The following KDM3B variants were observed in gnomAD, a reference collection of about 807,000 sequenced individuals.
KDM3B encodes lysine-specific demethylase 3B.
KDM3B carries 10 observed loss-of-function variants against 170.0 expected under a neutral mutation model. The ratio of observed to expected loss-of-function variants is 0.06; its 90% CI spans 0.04 to 0.10. The LOEUF (loss-of-function observed/expected upper bound fraction) is 0.10. KDM3B is among the 10% of genes least tolerant of loss of function. KDM3B has a pLI of 1.00. For missense variants in KDM3B, 1,394 were observed against 2,195.2 expected, an observed-to-expected ratio of 0.64 and a Z score of 7.29; for synonymous variants, 831 against 834.8, an observed-to-expected ratio of 1.00 and a Z score of 0.08.
rs777516038 is a variant in KDM3B at position 138,382,190 on chromosome 5, G to A, written c.780+600G>A. Among the ~76,000 whole-genome samples, 61 of 152,158 alleles carry A rather than the reference G, an allele frequency of 4.0e-4. 1 individual carries two copies. The highest frequency in any genetic ancestry group is 7.8e-4 in the Non-Finnish European group (53 of 68,022). On this transcript the variant is annotated intron_variant, in intron 6 of 23. Coordinates refer to ENST00000314358, the MANE Select transcript of KDM3B (RefSeq NM_016604.4). ...GGGCCAGGTGCAGTGGCTCACGCCT[G>A]TAATCCCAGCACTTTGGGAGGCCGA...
chr5:138,389,923 G>A (rs1290642163), intron 7 of KDM3B, among the ~76,000 whole-genome samples: 1 of 151,872 alleles, frequency 6.6e-6, no homozygotes, highest in African/African-American at 2.4e-5. Flanking sequence ...GCAGTGGCAC[G>A]ATCTGGGCTC....
At chr5:138,354,333 A>G (rs1761400979) in intron 1 of KDM3B, among the ~76,000 whole-genome samples, 1 of 152,228 alleles carries the variant, frequency 6.6e-6, no homozygotes, top group Non-Finnish European at 1.5e-5. Context: ...ATGATGATTA[A>G]GACTGGGATT....
chr5:138,408,723 A>G (rs1055283005), intron 11 of KDM3B, among the ~76,000 whole-genome samples: 2 of 152,226 alleles, frequency 1.3e-5, no homozygotes, highest in Non-Finnish European at 2.9e-5. Flanking sequence ...ATAATACATC[A>G]TGAACAAATG....
chr5:138,433,684 C>A (rs1763597698), intron 23 of KDM3B, among the ~76,000 whole-genome samples: 1 of 151,840 alleles, frequency 6.6e-6, no homozygotes, highest in African/African-American at 2.4e-5. Context: ...GCTGGAATTA[C>A]AGGAGTGAGC....
chr5:138,365,751 CACTT>C, intron 1 of KDM3B, among the ~76,000 whole-genome samples: 1 of 151,732 alleles, frequency 6.6e-6, no homozygotes, highest in East Asian at 1.9e-4. Flanking sequence ...GTAATCCCAG[CACTT>C]TGGGAGGCCA....
At position 138,431,439 on chromosome 5, in the gene KDM3B, C is replaced by T. The variant is rs776164896; in HGVS notation, c.5085C>T (p.Tyr1695=). The change falls in exon 23 of 24, where the codon TAC becomes TAT. Residue 1695 remains tyrosine (Y), a synonymous_variant. Coordinates refer to ENST00000314358, the MANE Select transcript of KDM3B (RefSeq NM_016604.4). ...AGAPHQVHNL[Y]SCIKVAEDFV... ...GCCCTTCTCAGGTTCACAATCTATA[C>T]AGTTGCATAAAAGTAGCAGAAGACT... 40 of 1,608,876 alleles carry T rather than the reference C, an allele frequency of 2.5e-5. No individual in the cohort carries two copies. Among genetic ancestry groups the T allele is most frequent in the Non-Finnish European group, 3.1e-5 (37 of 1,177,900 alleles).
At chr5:138,433,713 A>G (rs1763598311) in intron 23 of KDM3B, among the ~76,000 whole-genome samples, 2 of 151,650 alleles carry the variant, frequency 1.3e-5, no homozygotes, top group African/African-American at 4.8e-5. Flanking sequence ...CCAGCCAACC[A>G]TAGTTTTTAT....
intron 14 of KDM3B, among the ~76,000 whole-genome samples, chr5:138,419,726 C>CACAT (rs1209877091): frequency 6.2e-5 from 5 of 80,442 alleles, no homozygotes; most frequent in Non-Finnish European, 9.9e-5. Context: ...TATACACACA[C>CACAT]ATACACACAC....
rs1321075527 is a variant in KDM3B, at chr5:138,367,415, C to T, written c.193-5259C>T. Among the ~76,000 whole-genome samples the T allele has an allele frequency of 6.6e-5, 10 of 152,160 alleles. No individual in the cohort carries two copies. In the South Asian group the frequency reaches 2.1e-3, roughly 32 times the overall value. ...TGATGATTACATGACAAATATGAAG[C>T]CCCATATCACTTAGATTACTACCAT... On this transcript the variant is annotated intron_variant, in intron 1 of 23. Transcript: ENST00000314358.
chr5:138,362,585 C>CACACAA (rs994806770), intron 1 of KDM3B, among the ~76,000 whole-genome samples: 1 of 67,068 alleles, frequency 1.5e-5, no homozygotes, highest in Non-Finnish European at 4.3e-5. Context: ...CACACACACA[C>CACACAA]AAAATATCTT....
chr5:138,408,332 C>G (rs910602647), intron 11 of KDM3B, among the ~76,000 whole-genome samples: 13 of 150,496 alleles, frequency 8.6e-5, no homozygotes, highest in Non-Finnish European at 1.9e-4. Context: ...GTTTTACTTT[C>G]TCTTTCTTTC....
intron 10 of KDM3B, 78 bp downstream of exon 10, chr5:138,398,470 G>A: frequency 7.8e-7 from 1 of 1,282,942 alleles, no homozygotes. Context: ...GGGAAGATTG[G>A]GGACAGTGGC....
rs1762347410 is a variant in KDM3B at position 138,388,657 on chromosome 5, A to C, written c.1380+2036A>C. ...CTCCGTCTTTAAAAAAAAAAAAAAA[A>C]AAAAAAAGGCTGGGCTTGGTGGCAT... On this transcript the variant is annotated intron_variant, in intron 7 of 23. Transcript: ENST00000314358. 4.6e-5 allele frequency among the ~76,000 whole-genome samples: 7 copies of C among 151,034 alleles called. No homozygotes were observed. In the South Asian group the frequency reaches 1.5e-3, roughly 32 times the overall value.
chr5:138,352,916 G>T lies in KDM3B; in HGVS notation c.121G>T (p.Ala41Ser). 2 of 1,357,168 alleles carry T rather than the reference G, an allele frequency of 1.5e-6. No homozygotes were observed. Among genetic ancestry groups the T allele is most frequent in the Non-Finnish European group, 1.9e-6 (2 of 1,054,204 alleles). 84.1% of individuals were successfully genotyped at this position (1,357,168 alleles called of 1,614,324 possible). Residue 41 changes from alanine (A) to serine (S), a missense_variant, in exon 1 of 24, where the codon GCG becomes TCG. Ala to Ser is a moderately conservative substitution (Grantham distance 99). This residue lies in a region of KDM3B where 99 missense variants were observed against 97.5 expected (regional missense o/e 1.02). Transcript: ENST00000314358. ...AGCGGCGAGCGGAGATCCGGGGCCT[G>T]CGCTGCGCACTCGAGCCTGGCGGGC... ...AAAASGDPGP[A>S]LRTRAWRAGT...
At position 138,418,983 on chromosome 5, in the gene KDM3B, G is replaced by A; in HGVS notation, c.3466G>A (p.Gly1156Arg). 3 of 1,614,126 alleles carry A rather than the reference G, an allele frequency of 1.9e-6. No homozygotes were observed. The highest frequency in any genetic ancestry group is 1.7e-6 in the Non-Finnish European group (2 of 1,180,018). ...TAGCATAAACCCTAGTGCCTCTTCT[G>A]GAAACGAAACTACCTTCTCTGGTGG... Reference protein sequence around the residue: ...LPSINPSASSGNETTFSGGGG... With the variant: ...LPSINPSASSRNETTFSGGGG... Residue 1156 changes from glycine to arginine, a missense_variant, in exon 14 of 24, where the codon GGA (glycine) becomes AGA (arginine). This residue lies in a region of KDM3B where 87 missense variants were observed against 83.3 expected (regional missense o/e 1.04). Transcript: ENST00000314358.
At chr5:138,357,684 T>C (rs1761486638) in intron 1 of KDM3B, among the ~76,000 whole-genome samples, 1 of 152,160 alleles carries the variant, frequency 6.6e-6, no homozygotes, top group Non-Finnish European at 1.5e-5. Flanking sequence ...TTTTTACCTT[T>C]AGATTTTTGG....
At chr5:138,393,817 G>A (rs1762489697) in intron 9 of KDM3B, among the ~76,000 whole-genome samples, 1 of 152,154 alleles carries the variant, frequency 6.6e-6, no homozygotes, top group Admixed American at 6.5e-5. Flanking sequence ...TGATGGAAAT[G>A]TGGGAATATC....
chr5:138,402,637 C>G (rs1348858803), intron 11 of KDM3B, among the ~76,000 whole-genome samples: 1 of 152,146 alleles, frequency 6.6e-6, no homozygotes, highest in African/African-American at 2.4e-5. Context: ...GATTAACTGT[C>G]ACAGGAATTG....
At chr5:138,389,401 T>C (rs2126947166) in intron 7 of KDM3B, among the ~76,000 whole-genome samples, 2 of 152,330 alleles carry the variant, frequency 1.3e-5, no homozygotes, top group Non-Finnish European at 2.9e-5. Flanking sequence ...CTCTCCCCTC[T>C]TTATAAGAGA....
Sources: gnomAD v4.1 joint callset for allele counts (sites outside exome capture counted in the v4.1 genomes callset) on GRCh38, gnomAD v4.1.1 for gene constraint, gnomAD v4.1.1 regional missense constraint, MANE v1.5 for transcripts, NCBI Gene and HGNC (gene_info 2026-07-23, HGNC 2026-07-21) for gene names.